STPG2: variants seen among roughly 807,000 people sequenced by gnomAD.
STPG2 encodes sperm tail PG-rich repeat containing 2, also known as sperm-tail PG-rich repeat-containing protein 2.
A neutral mutation model predicts 54.2 loss-of-function variants in STPG2; 56 were observed. The ratio of observed to expected loss-of-function variants is 1.03; its 90% CI spans 0.83 to 1.29. The LOEUF is 1.29. Ranked by LOEUF, STPG2 falls within the 50% of genes most tolerant of loss-of-function variation. The probability of loss-of-function intolerance (pLI) is 0.00; values close to 1 mark genes in which losing one functional copy is unlikely to be tolerated. For synonymous variants in STPG2, 200 were observed against 181.8 expected (o/e 1.10, Z -0.81); for missense variants, 596 against 544.9 (o/e 1.09, Z -0.93).
intron 4 of STPG2, among the ~76,000 whole-genome samples, chr4:97,510,967 C>CTAA (rs564424661): frequency 1.5e-3 from 226 of 151,716 alleles, no homozygotes; most frequent in Non-Finnish European, 2.7e-3. Flanking sequence ...ACTCCCATCT[C>CTAA]TAATAATAAT....
At chr4:98,118,984 C>A (rs575815940) in intron 3 of STPG2, among the ~76,000 whole-genome samples, 1 of 151,784 alleles carries the variant, frequency 6.6e-6, no homozygotes, top group African/African-American at 2.4e-5. Context: ...TAGTAAAATG[C>A]CAACAAATAA....
chr4:97,852,199 T>C (rs1272682281), intron 8 of STPG2, among the ~76,000 whole-genome samples: 2 of 152,188 alleles, frequency 1.3e-5, no homozygotes, highest in African/African-American at 4.8e-5. Context: ...AAATTATTCA[T>C]TAACCCTAGA....
chr4:97,600,445 A>G (rs1042787322), intron 10 of STPG2, among the ~76,000 whole-genome samples: 1 of 152,208 alleles, frequency 6.6e-6, no homozygotes, highest in Non-Finnish European at 1.5e-5. Flanking sequence ...AAAACCAGAA[A>G]AAAGGAAATG....
intron 8 of STPG2, among the ~76,000 whole-genome samples, chr4:97,881,519 G>T (rs551264701): frequency 2.4e-4 from 36 of 152,154 alleles, no homozygotes; most frequent in African/African-American, 7.9e-4. Context: ...ATATCTCAGG[G>T]TTTAAAACAT....
chr4:97,467,202 A>T (rs1336959147), intron 4 of STPG2, among the ~76,000 whole-genome samples: 2 of 151,964 alleles, frequency 1.3e-5, no homozygotes, highest in Non-Finnish European at 2.9e-5. Flanking sequence ...GAGTATATTT[A>T]AAACCTTACA....
chr4:97,856,840 C>A (rs1729354353), intron 8 of STPG2, among the ~76,000 whole-genome samples: 1 of 152,074 alleles, frequency 6.6e-6, no homozygotes, highest in Non-Finnish European at 1.5e-5. Context: ...TATTTCAATA[C>A]CTAGTTTATG....
chr4:98,036,102 AATAAATTT>A (rs1736771299), intron 5 of STPG2, among the ~76,000 whole-genome samples: 1 of 152,122 alleles, frequency 6.6e-6, no homozygotes, highest in African/African-American at 2.4e-5. Flanking sequence ...AATAAAAATA[AATAAATTT>A]TTAAAAACAC....
At chr4:97,736,917 C>G (rs1475015289) in intron 9 of STPG2, among the ~76,000 whole-genome samples, 2 of 152,174 alleles carry the variant, frequency 1.3e-5, no homozygotes, top group African/African-American at 4.8e-5. Flanking sequence ...TCAAGTGGGT[C>G]CCTGACCCCT....
chr4:97,676,258 G>A (rs932396153), intron 10 of STPG2, among the ~76,000 whole-genome samples: 1 of 151,434 alleles, frequency 6.6e-6, no homozygotes, highest in Admixed American at 6.6e-5. Context: ...TTACCTACCA[G>A]CTATTTCAGA....
At chr4:97,874,380 C>T (rs901085174) in intron 8 of STPG2, among the ~76,000 whole-genome samples, 1 of 151,646 alleles carries the variant, frequency 6.6e-6, no homozygotes, top group African/African-American at 2.4e-5. Context: ...AATTGACATA[C>T]AGTAAACTTC....
chr4:97,879,984 G>T (rs74691830), intron 8 of STPG2, among the ~76,000 whole-genome samples: 2,272 of 152,240 alleles, frequency 0.015, 52 homozygotes, highest in African/African-American at 0.05. Context: ...TTATGTTGAA[G>T]AAATATCTGC....
chr4:97,935,930 C>T (rs933056210), intron 8 of STPG2, among the ~76,000 whole-genome samples: 1 of 152,032 alleles, frequency 6.6e-6, no homozygotes, highest in Non-Finnish European at 1.5e-5. Context: ...TCCTGACTAT[C>T]CTTGTTAATT....
At chr4:97,845,557 TA>T (rs1185905672) in intron 8 of STPG2, among the ~76,000 whole-genome samples, 9 of 152,188 alleles carry the variant, frequency 5.9e-5, no homozygotes, top group Non-Finnish European at 1.0e-4. Context: ...TTATTCTGGT[TA>T]ATTAAACATT....
chr4:98,100,662 CTTT>C (rs1166820709), intron 5 of STPG2, among the ~76,000 whole-genome samples: 2 of 116,796 alleles, frequency 1.7e-5, no homozygotes, highest in Admixed American at 9.7e-5. Context: ...CTTTTTCTTT[CTTT>C]TTTTTTTTTT....
At chr4:97,794,355 T>G (rs1178487847) in intron 9 of STPG2, among the ~76,000 whole-genome samples, 1 of 152,106 alleles carries the variant, frequency 6.6e-6, no homozygotes, top group Non-Finnish European at 1.5e-5. Context: ...AATGATGTCT[T>G]AAGTTATAGA....
intron 9 of STPG2, among the ~76,000 whole-genome samples, chr4:97,755,902 A>T (rs1204174092): frequency 6.6e-6 from 1 of 152,214 alleles, no homozygotes; most frequent in African/African-American, 2.4e-5. Context: ...AATTCTCTAA[A>T]GAGTTAGAAT....
chr4:98,005,072 C>T (rs917067805), intron 5 of STPG2, among the ~76,000 whole-genome samples: 3 of 151,808 alleles, frequency 2.0e-5, no homozygotes, highest in Non-Finnish European at 4.4e-5. Context: ...AATTATTGCC[C>T]AGACCAAGGT....
intron 10 of STPG2, among the ~76,000 whole-genome samples, chr4:97,575,725 C>T (rs750321638): frequency 6.6e-6 from 1 of 152,112 alleles, no homozygotes; most frequent in Non-Finnish European, 1.5e-5. Flanking sequence ...TACCCACTCT[C>T]ACCACTCTTA....
At chr4:97,443,852 A>G (rs914654570) in intron 4 of STPG2, among the ~76,000 whole-genome samples, 2 of 152,196 alleles carry the variant, frequency 1.3e-5, no homozygotes, top group African/African-American at 4.8e-5. Flanking sequence ...ACAGAAAACT[A>G]AAACATAAGC....
Sources: gnomAD v4.1 joint callset for allele counts (sites outside exome capture counted in the v4.1 genomes callset) on GRCh38, gnomAD v4.1.1 for gene constraint, MANE v1.5 for transcripts, NCBI Gene and HGNC (gene_info 2026-07-23, HGNC 2026-07-21) for gene names.